Variants in MYO1F observed in about 807,000 individuals in gnomAD.
The protein encoded by MYO1F is unconventional myosin-If.
A neutral mutation model predicts 146.6 loss-of-function variants in MYO1F; 60 were observed. That is an observed-to-expected ratio of 0.41 (90% confidence interval 0.33 to 0.51). The LOEUF is 0.51. Ranked by LOEUF, MYO1F falls within the 20% of genes least tolerant of loss-of-function variation. The pLI is 0.25. For missense variants in MYO1F, 1,274 were observed against 1,534.3 expected, an observed-to-expected ratio of 0.83 and a Z score of 2.83; for synonymous variants, 602 against 602.1, an observed-to-expected ratio of 1.00 and a Z score of 0.00.
At chr19:8,525,417 C>G (rs1409898356) in intron 25 of MYO1F, 62 bp downstream of exon 25, 3 of 1,437,128 alleles carry the variant, frequency 2.1e-6, no homozygotes, top group Non-Finnish European at 2.9e-6. Context: ...TGCTGAAGGT[C>G]TGGCTTAGGC....
rs2042252140 is a variant in MYO1F at position 8,577,134 on chromosome 19, C to T, written c.3+173G>A. The T allele has an allele frequency of 3.9e-6, 3 of 762,620 alleles. No homozygotes were observed. In the South Asian group the frequency reaches 4.7e-5, roughly 12 times the overall value. The allele number at this position is 762,620 out of a possible 1,614,324, so 47.2% of individuals were successfully genotyped here. A position where few individuals can be genotyped will look rare whatever the true frequency, so the allele number is the denominator to read the frequency against. On this transcript the variant is annotated intron_variant, in intron 1 of 27. Coordinates refer to ENST00000644032, the MANE Select transcript of MYO1F (RefSeq NM_012335.4). This position sits in a 1 kb window ranked among gnomAD's most constrained non-coding sequence, Gnocchi z 4.3. ...ACCACCTACAGATGGGAGCTTGCTC[C>T]CTGGTAAGGGATGCTGGAGGCACCT... is the stretch of plus-strand genomic sequence containing the variant.
chr19:8,525,557 T>A lies in MYO1F; in HGVS notation c.2776A>T (p.Thr926Ser). The A allele has an allele frequency of 1.9e-6, 3 of 1,613,254 alleles. No individual in the cohort carries two copies. The highest frequency in any genetic ancestry group is 1.7e-6 in the Non-Finnish European group (2 of 1,179,850). ...GDGLPKSSKP[T>S]RKGMAKGKPR... ...TTTCCCTTGGCCATTCCCTTCCGCG[T>A]AGGCTCTGAAAGAAGAGTGTCAGGG... The change falls in exon 25 of 28, where the codon ACG becomes TCG. Residue 926 changes from threonine to serine, a missense_variant. By Grantham distance (58) the Thr-to-Ser change is moderately conservative. Transcript: ENST00000644032.
rs1334069763 is a variant in MYO1F, at chr19:8,530,697, A to AT, written c.2044-125dup. On this transcript the variant is annotated intron_variant, in intron 19 of 27. Transcript: ENST00000644032. The surrounding 1 kb of genome is among the most constrained non-coding windows in gnomAD (Gnocchi z 5.8). ...CTCACCCATCCCCACACATGTGCTA[A>AT]TTTTTTTAAGAGGCGGGGTCTTTCT... The AT allele has an allele frequency of 9.1e-6, 7 of 771,378 alleles. No individual in the cohort carries two copies. The highest frequency in any genetic ancestry group is 4.3e-5 in the South Asian group (3 of 69,024). 47.8% of individuals were successfully genotyped at this position (771,378 alleles called of 1,614,324 possible).
At chr19:8,536,821 G>A in intron 17 of MYO1F, 128 bp downstream of exon 17, 1 of 684,534 alleles carries the variant, frequency 1.5e-6, no homozygotes, top group Non-Finnish European at 2.6e-6. Flanking sequence ...TGCAGGTGGG[G>A]GATTGTGGGA....
intron 12 of MYO1F, among the ~76,000 whole-genome samples, chr19:8,546,439 A>G (rs1311226133): frequency 6.6e-6 from 1 of 151,526 alleles, no homozygotes; most frequent in Non-Finnish European, 1.5e-5. Context: ...AGCTCACTGC[A>G]ACCTTGACCT....
rs548546595 is a variant in MYO1F at position 8,548,358 on chromosome 19, C to T, written c.1102-41G>A. The T allele has an allele frequency of 3.8e-5, 60 of 1,587,986 alleles. No homozygotes were observed. The South Asian group carries it at 5.6e-4, about 15-fold the overall frequency. On this transcript the variant is annotated intron_variant, in intron 10 of 27. Transcript: ENST00000644032. ...GGACAGGAAGTCAGTGGGCATCGGT[C>T]AGATCTGAAGCCCCTGCCCACCACT...
At chr19:8,553,868 TCACACA>T (rs374157870) in intron 4 of MYO1F, among the ~76,000 whole-genome samples, 193 of 121,580 alleles carry the variant, frequency 1.6e-3, no homozygotes, top group African/African-American at 6.2e-3. Flanking sequence ...TGAGACTCTG[TCACACA>T]CACACACACA....
At position 8,553,499 on chromosome 19, in the gene MYO1F, C is replaced by T. The variant is rs1429213204; in HGVS notation, c.327-62G>A. ...GGGAAGAGCCCTTTTTAGTGCCTGACCATTCATTCATTGAGCACCTACTGT... is the reference window on the plus strand; with the variant it reads ...GGGAAGAGCCCTTTTTAGTGCCTGATCATTCATTCATTGAGCACCTACTGT... On this transcript the variant is annotated intron_variant, in intron 4 of 27. Transcript: ENST00000644032. 11 of 1,375,548 alleles carry T rather than the reference C, an allele frequency of 8.0e-6. No individual in the cohort carries two copies. In the East Asian group the frequency reaches 2.1e-4, roughly 26 times the overall value. 85.2% of individuals were successfully genotyped at this position (1,375,548 alleles called of 1,614,324 possible).
chr19:8,575,498 G>T (rs2042224239), intron 1 of MYO1F, among the ~76,000 whole-genome samples: 1 of 151,740 alleles, frequency 6.6e-6, no homozygotes, highest in Non-Finnish European at 1.5e-5. Flanking sequence ...GTGGAGCTCG[G>T]GCTTGCTTGC....
chr19:8,568,433 A>AC (rs2042047676), intron 1 of MYO1F, among the ~76,000 whole-genome samples: 2 of 145,206 alleles, frequency 1.4e-5, no homozygotes, highest in Non-Finnish European at 3.0e-5. Context: ...AAAAAAAAAA[A>AC]AAAAAAAAAA....
chr19:8,523,209 A>C (rs915519180), intron 25 of MYO1F, among the ~76,000 whole-genome samples: 2 of 151,776 alleles, frequency 1.3e-5, no homozygotes, highest in African/African-American at 4.8e-5. Flanking sequence ...TTTTTTAAAT[A>C]TTTTTAGTAG....
At chr19:8,557,277 A>T (rs943948702) in intron 1 of MYO1F, among the ~76,000 whole-genome samples, 4 of 149,442 alleles carry the variant, frequency 2.7e-5, no homozygotes, top group Non-Finnish European at 5.9e-5. Context: ...TCTGTCTCAA[A>T]AAAAACAAAC....
intron 1 of MYO1F, among the ~76,000 whole-genome samples, chr19:8,559,355 G>C (rs1973982996): frequency 8.3e-6 from 1 of 119,834 alleles, no homozygotes; most frequent in Admixed American, 8.7e-5. Context: ...GGGGGTGGGG[G>C]TGGAGGTGCA....
At chr19:8,569,139 A>T (rs974969973) in intron 1 of MYO1F, among the ~76,000 whole-genome samples, 6 of 152,132 alleles carry the variant, frequency 3.9e-5, no homozygotes, top group Non-Finnish European at 5.9e-5. Context: ...TTGGGATGAG[A>T]CTGCCCCCTG....
chr19:8,575,170 G>A (rs868951942), intron 1 of MYO1F, among the ~76,000 whole-genome samples: 8 of 150,480 alleles, frequency 5.3e-5, no homozygotes, highest in African/African-American at 9.8e-5. Flanking sequence ...TCCGCCTCCC[G>A]GGTTCAAGCG....
chr19:8,550,633 G>C lies in MYO1F; in HGVS notation c.833C>G (p.Ala278Gly). The change falls in exon 9 of 28, where the codon GCG becomes GGG. Residue 278 changes from alanine (A) to glycine (G), a missense_variant. By Grantham distance (60) the Ala-to-Gly change is moderately conservative. Coordinates refer to ENST00000644032, the MANE Select transcript of MYO1F (RefSeq NM_012335.4). Reference protein sequence around the residue: ...SIQQLVLQLVAGILHLGNISF... With the variant: ...SIQQLVLQLVGGILHLGNISF... Reference sequence around the variant, plus strand: ...GATGTTCCCCAGGTGCAAGATCCCCGCCACGAGCTGCAGGACCAGCTGCTG... The same window carrying C: ...GATGTTCCCCAGGTGCAAGATCCCCCCCACGAGCTGCAGGACCAGCTGCTG... 1 of 1,614,112 alleles carries C rather than the reference G, an allele frequency of 6.2e-7. No individual in the cohort carries two copies.
chr19:8,561,715 A>G (rs1379312848), intron 1 of MYO1F, among the ~76,000 whole-genome samples: 2 of 51,386 alleles, frequency 3.9e-5, no homozygotes, highest in Non-Finnish European at 8.4e-5. Flanking sequence ...CTTTTTTTCT[A>G]TCTTTTTTTT....
intron 12 of MYO1F, among the ~76,000 whole-genome samples, chr19:8,546,211 T>C (rs561327055): frequency 1.8e-4 from 28 of 151,686 alleles, no homozygotes; most frequent in Middle Eastern, 3.4e-3. Flanking sequence ...ATTACAGGTA[T>C]GTGCCACCAC....
At chr19:8,549,881 G>A (rs757013444) in intron 10 of MYO1F, 8 of 542,564 alleles carry the variant, frequency 1.5e-5, no homozygotes, top group Non-Finnish European at 2.7e-5. Flanking sequence ...GCTCACTGCA[G>A]CCCCAACCTC....
Sources: gnomAD v4.1 joint callset for allele counts (sites outside exome capture counted in the v4.1 genomes callset) on GRCh38, gnomAD v4.1.1 for gene constraint, Gnocchi (gnomAD v3.1) non-coding constraint, MANE v1.5 for transcripts, NCBI Gene and HGNC (gene_info 2026-07-23, HGNC 2026-07-21) for gene names.